The following KAT6A variants were observed in gnomAD, a reference collection of about 807,000 sequenced individuals.
KAT6A encodes the protein histone acetyltransferase KAT6A.
Under a neutral mutation model 198.4 loss-of-function variants are expected in KAT6A, and 9 were observed. The observed-to-expected ratio is 0.05, with a 90% confidence interval of 0.03 to 0.08. The LOEUF (loss-of-function observed/expected upper bound fraction) is 0.08. Ranked by LOEUF, KAT6A falls within the 10% of genes least tolerant of loss-of-function variation. KAT6A has a pLI of 1.00. For synonymous variants in KAT6A, 890 were observed against 883.0 expected, an observed-to-expected ratio of 1.01 and a Z score of -0.14; for missense variants, 2,077 against 2,509.9, an observed-to-expected ratio of 0.83 and a Z score of 3.69.
In KAT6A at chr8:41,946,604, A is replaced by G. The variant is rs1822411034; in HGVS notation, c.1983T>C (p.Phe661=). ...PQYQRKGYGR[F]LIDFSYLLSK... is the part of the protein sequence containing the mutation. ...TATAATCCTTACTGAAATCGATGAG[A>G]AACCTGCCATAGCCCTTACGCTGGT... Residue 661 remains phenylalanine (F), a synonymous_variant, in exon 12 of 17, where the codon TTT becomes TTC. Transcript: ENST00000265713. The G allele has an allele frequency of 1.2e-5, 19 of 1,580,568 alleles. No homozygotes were observed. Among genetic ancestry groups the G allele is most frequent in the Non-Finnish European group, 1.7e-5 (19 of 1,149,928 alleles).
chr8:41,933,255 AGGCGGTGGT>A lies in KAT6A; in HGVS notation c.4956_4964del (p.Pro1654_Pro1656del), dbSNP rs1821658663. The A allele has an allele frequency of 1.3e-6, 2 of 1,548,908 alleles. No individual in the cohort carries two copies. The highest frequency in any genetic ancestry group is 1.2e-5 in the South Asian group (1 of 85,134). On this transcript the variant is annotated inframe_deletion, in exon 17 of 17. Coordinates refer to ENST00000265713, the MANE Select transcript of KAT6A (RefSeq NM_006766.5). This position sits in a 1 kb window ranked among gnomAD's most constrained non-coding sequence, Gnocchi z 6.2. ...GCGGCGGCGGCTGTGGCTGCTGTGG[AGGCGGTGGT>A]GGCGGCTGCTGCTGCTGGTTACTGG...
At position 41,930,191 on chromosome 8, in the gene KAT6A, T is replaced by C. The variant is rs1587702485; in HGVS notation, c.*2014A>G. 1 of 93,404 alleles carries C rather than the reference T, an allele frequency of 1.1e-5. No individual in the cohort carries two copies. Among genetic ancestry groups the C allele is most frequent in the South Asian group, 9.7e-4 (1 of 1,036 alleles). 5.8% of individuals were successfully genotyped at this position (93,404 alleles called of 1,614,324 possible). A position where few individuals can be genotyped will look rare whatever the true frequency, so the allele number is the denominator to read the frequency against. ...ACAGAAACTGATTTCACGGCCCTCA[T>C]TTCAACAGCTTCTCCTTCTGCCTTG... On this transcript the variant is annotated 3_prime_UTR_variant, in exon 17 of 17. Coordinates refer to ENST00000265713, the MANE Select transcript of KAT6A (RefSeq NM_006766.5).
At chr8:41,953,329 C>A (rs1049066998) in intron 9 of KAT6A, among the ~76,000 whole-genome samples, 11 of 152,148 alleles carry the variant, frequency 7.2e-5, no homozygotes, top group African/African-American at 2.7e-4. Context: ...ACTATAGTCT[C>A]CGGAACAGTT....
At chr8:42,002,306 G>A (rs1367176076) in intron 2 of KAT6A, among the ~76,000 whole-genome samples, 3 of 152,122 alleles carry the variant, frequency 2.0e-5, no homozygotes, top group African/African-American at 7.2e-5. Context: ...CTCTTTTCCT[G>A]TATATTGTTT....
chr8:41,950,955 GAGGGAGGA>G (rs939932714), intron 9 of KAT6A, among the ~76,000 whole-genome samples: 3 of 152,022 alleles, frequency 2.0e-5, no homozygotes, highest in African/African-American at 4.8e-5. Context: ...GAGAGGAAGG[GAGGGAGGA>G]AGGGAGGAAA....
In KAT6A at chr8:41,934,210, G is replaced by A. The variant is rs1460666861; in HGVS notation, c.4010C>T (p.Thr1337Met). 22 of 1,613,902 alleles carry A rather than the reference G, an allele frequency of 1.4e-5. No homozygotes were observed. Among genetic ancestry groups the A allele is most frequent in the East Asian group, 8.9e-5 (4 of 44,872 alleles). ...TKKKELEEQPTREDVKEEPGV... is the reference protein window; with the variant it reads ...TKKKELEEQPMREDVKEEPGV... ...AGGCTCCTCCTTGACATCTTCCCTC[G>A]TGGGCTGTTCCTCTAGCTCCTTTTT... The change falls in exon 17 of 17, where the codon ACG (threonine) becomes ATG (methionine). Residue 1337 changes from threonine (T) to methionine (M), a missense_variant. Coordinates refer to ENST00000265713, the MANE Select transcript of KAT6A (RefSeq NM_006766.5).
intron 8 of KAT6A, among the ~76,000 whole-genome samples, chr8:41,972,970 C>A (rs896690970): frequency 2.0e-5 from 3 of 152,212 alleles, no homozygotes; most frequent in Non-Finnish European, 4.4e-5. Flanking sequence ...AGGAAACAAG[C>A]TTTGAGGGCA....
At chr8:41,992,206 A>G (rs1824982377) in intron 2 of KAT6A, among the ~76,000 whole-genome samples, 1 of 152,056 alleles carries the variant, frequency 6.6e-6, no homozygotes, top group Non-Finnish European at 1.5e-5. Context: ...TTTAAAAAAA[A>G]AAGAAAAAAA....
Position 41,978,678 on chromosome 8 carries a change from C to T in KAT6A, c.1007G>A (p.Gly336Glu). 6.2e-7 allele frequency: 1 copy of T among 1,613,978 alleles called. No individual in the cohort carries two copies. Among genetic ancestry groups the T allele is most frequent in the Non-Finnish European group, 8.5e-7 (1 of 1,179,960 alleles). Residue 336 changes from glycine (G) to glutamate (E), a missense_variant, in exon 6 of 17, where the codon GGA becomes GAA. Coordinates refer to ENST00000265713, the MANE Select transcript of KAT6A (RefSeq NM_006766.5). ...QIKRRYTNPI[G>E]RPKNRLKKQN... ...TTTCTTTAACCTGTTTTTTGGACGT[C>T]CTATTGGATTAGTATAGCGCCGTTT...
Position 41,949,314 on chromosome 8 carries a change from T to C in KAT6A, c.1648A>G (p.Arg550Gly), listed in dbSNP as rs747875615. 6.4e-7 allele frequency: 1 copy of C among 1,572,354 alleles called. No homozygotes were observed. The highest frequency in any genetic ancestry group is 2.4e-5 in the East Asian group (1 of 42,250). ...TTCATGTGCTGCTGCAGAATAGTTC[T>C]ACTTTTCATATATTTTAGACAAAAT... ...CEFCLKYMKS[R>G]TILQQHMKKC... is the part of the protein sequence containing the mutation. Residue 550 changes from arginine to glycine, a missense_variant, in exon 10 of 17, where the codon AGA becomes GGA. Around this residue, in one of 13 missense-constraint regions of KAT6A, gnomAD observed 46 missense variants for 88.2 expected, o/e 0.52. Transcript: ENST00000265713.
At position 41,940,397 on chromosome 8, in the gene KAT6A, C is replaced by T. The variant is rs185590692; in HGVS notation, c.3039+445G>A. The stretch of plus-strand genomic sequence containing the variant: ...GATGAGCTACTGTACTCTGAGTACC[C>T]CAAAATATAGGGCAGCACTATGTTC... On this transcript the variant is annotated intron_variant, in intron 15 of 16. Transcript: ENST00000265713. 3.3e-3 allele frequency among the ~76,000 whole-genome samples: 498 copies of T among 152,192 alleles called. 2 individuals carry two copies. Among genetic ancestry groups the T allele is most frequent in the African/African-American group, 0.011 (469 of 41,520 alleles).
At position 41,974,838 on chromosome 8, in the gene KAT6A, G is replaced by A; in HGVS notation, c.1364-16C>T. The A allele has an allele frequency of 6.6e-7, 1 of 1,520,322 alleles. No homozygotes were observed. The highest frequency in any genetic ancestry group is 9.1e-7 in the Non-Finnish European group (1 of 1,101,902). 94.2% of individuals were successfully genotyped at this position (1,520,322 alleles called of 1,614,324 possible). ...TCCTGATTGTCTACATATAAAAAAAGAGCTCACATGTTAACTGTCCCCAGA... is the reference window on the plus strand; with the variant it reads ...TCCTGATTGTCTACATATAAAAAAAAAGCTCACATGTTAACTGTCCCCAGA... On this transcript the variant is annotated splice_polypyrimidine_tract_variant and intron_variant, in intron 7 of 16. Transcript: ENST00000265713.
chr8:41,973,229 T>C lies in KAT6A; in HGVS notation c.1482+1475A>G, dbSNP rs1245881883. ...AGAACCCTCGGCATCAGCCTTAGAA[T>C]TTTTTTTTTTTTTTGAGATGGAGTC... On this transcript the variant is annotated intron_variant, in intron 8 of 16. Transcript: ENST00000265713. 2.8e-5 allele frequency among the ~76,000 whole-genome samples: 4 copies of C among 142,670 alleles called. No homozygotes were observed. In the East Asian group the frequency reaches 8.0e-4, roughly 28 times the overall value. The allele number at this position is 142,670 out of a possible 152,430, so 93.6% of individuals were successfully genotyped here. A position where few individuals can be genotyped will look rare whatever the true frequency, so the allele number is the denominator to read the frequency against.
At position 41,933,344 on chromosome 8, in the gene KAT6A, G is replaced by A. The variant is rs769099141; in HGVS notation, c.4876C>T (p.Pro1626Ser). Residue 1626 changes from proline to serine, a missense_variant, in exon 17 of 17, where the codon CCT (proline) becomes TCT (serine). Transcript: ENST00000265713. This position sits in a 1 kb window ranked among gnomAD's most constrained non-coding sequence, Gnocchi z 6.2. ...CSMMQQSSVQ[P>S]AANCSIKSPQ... Reference sequence around the variant, plus strand: ...GACTTGATGCTGCAGTTGGCAGCAGGCTGGACGCTGCTCTGCTGCATCATG... The same window carrying A: ...GACTTGATGCTGCAGTTGGCAGCAGACTGGACGCTGCTCTGCTGCATCATG... 6.3e-7 allele frequency: 1 copy of A among 1,580,476 alleles called. No homozygotes were observed. Among genetic ancestry groups the A allele is most frequent in the East Asian group, 2.2e-5 (1 of 44,614 alleles).
intron 8 of KAT6A, among the ~76,000 whole-genome samples, chr8:41,970,083 T>G (rs1823708797): frequency 6.7e-6 from 1 of 148,170 alleles, no homozygotes; most frequent in Non-Finnish European, 1.5e-5. Context: ...TACAGTTTTA[T>G]TTTTATGAGT....
chr8:41,943,889 T>C lies in KAT6A; in HGVS notation c.2087A>G (p.Lys696Arg). 6.2e-7 allele frequency: 1 copy of C among 1,613,992 alleles called. No individual in the cohort carries two copies. The highest frequency in any genetic ancestry group is 8.5e-7 in the Non-Finnish European group (1 of 1,179,972). Residue 696 changes from lysine to arginine, a missense_variant, in exon 13 of 17, where the codon AAA (lysine) becomes AGA (arginine). Lys to Arg is a conservative substitution (Grantham distance 26). Around this residue, in one of 13 missense-constraint regions of KAT6A, gnomAD observed 127 missense variants for 209.6 expected, o/e 0.61. Coordinates refer to ENST00000265713, the MANE Select transcript of KAT6A (RefSeq NM_006766.5). ...LGRLSYMAYW[K>R]SVILECLYHQ... ...ATAAAGGCACTCCAATATTACACTTTTCCAATATGCCATGTAGGAAAGACG... is the reference window on the plus strand; with the variant it reads ...ATAAAGGCACTCCAATATTACACTTCTCCAATATGCCATGTAGGAAAGACG...
At position 41,943,911 on chromosome 8, in the gene KAT6A, G is replaced by C. The variant is rs755700459; in HGVS notation, c.2065C>G (p.Leu689Val). The C allele has an allele frequency of 1.2e-6, 2 of 1,613,866 alleles. No homozygotes were observed. Among genetic ancestry groups the C allele is most frequent in the Admixed American group, 3.3e-5 (2 of 59,990 alleles). Residue 689 changes from leucine to valine, a missense_variant, in exon 13 of 17, where the codon CTT (leucine) becomes GTT (valine). Physicochemically the swap from Leu to Val is conservative, Grantham distance 32. This residue lies in a region of KAT6A where 127 missense variants were observed against 209.6 expected (regional missense o/e 0.61). Coordinates refer to ENST00000265713, the MANE Select transcript of KAT6A (RefSeq NM_006766.5). ...CTTTTCCAATATGCCATGTAGGAAA[G>C]ACGACCCAGATCAGATAACGGTTTC... is the stretch of plus-strand genomic sequence containing the variant. ...PEKPLSDLGR[L>V]SYMAYWKSVI...
intron 2 of KAT6A, among the ~76,000 whole-genome samples, chr8:42,037,547 A>C (rs1396529035): frequency 6.6e-6 from 1 of 152,218 alleles, no homozygotes; most frequent in Non-Finnish European, 1.5e-5. Context: ...GCAGCTCTTC[A>C]GGTCAACTAC....
chr8:42,029,704 C>T (rs575673617), intron 2 of KAT6A, among the ~76,000 whole-genome samples: 6 of 151,792 alleles, frequency 4.0e-5, no homozygotes, highest in African/African-American at 1.2e-4. Context: ...GCGATCCTCC[C>T]GCCTTGGTCT....
Sources: gnomAD v4.1 joint callset for allele counts (sites outside exome capture counted in the v4.1 genomes callset) on GRCh38, gnomAD v4.1.1 for gene constraint, gnomAD v4.1.1 regional missense constraint, Gnocchi (gnomAD v3.1) non-coding constraint, MANE v1.5 for transcripts, NCBI Gene and HGNC (gene_info 2026-07-23, HGNC 2026-07-21) for gene names.